The following CDC27 variants were observed in gnomAD, a reference collection of about 807,000 sequenced individuals.
The protein encoded by CDC27 is cell division cycle 27, also known as cell division cycle protein 27 homolog.
In CDC27, 27 loss-of-function variants were observed where a neutral mutation model predicts 109.7. The ratio of observed to expected loss-of-function variants is 0.25; its 90% CI spans 0.18 to 0.34. CDC27 has a LOEUF of 0.34. Among genes scored for constraint, CDC27 ranks in the 10% least tolerant of loss-of-function variants. The pLI, the probability that CDC27 is intolerant of heterozygous loss-of-function variation, is 1.00. For missense variants in CDC27, 579 were observed against 960.2 expected, an observed-to-expected ratio of 0.60 and a Z score of 5.25; for synonymous variants, 266 against 333.9, an observed-to-expected ratio of 0.80 and a Z score of 2.22.
At chr17:47,187,468 T>C (rs1234188827) in intron 1 of CDC27, among the ~76,000 whole-genome samples, 1 of 151,724 alleles carries the variant, frequency 6.6e-6, no homozygotes, top group East Asian at 1.9e-4. Flanking sequence ...GCCTGGCTAA[T>C]TTTTTATATT....
At chr17:47,138,979 A>T in intron 12 of CDC27, 88 bp from the exon 13 acceptor site, 1 of 833,928 alleles carries the variant, frequency 1.2e-6, no homozygotes. Flanking sequence ...TCTTCACAGG[A>T]TCTAAATGCT....
Position 47,158,225 on chromosome 17 carries a change from A to G in CDC27, c.456T>C (p.Phe152=). 6.4e-7 allele frequency: 1 copy of G among 1,565,176 alleles called. No homozygotes were observed. ...ACCTACCTATTTCACATAATGATTC[A>G]AAGGGAGACCAGAGGAAAGGATTTA... ...LSLNPFLWSP[F]ESLCEIGEKP... Residue 152 remains phenylalanine (F), a synonymous_variant, in exon 5 of 19, where the codon TTT becomes TTC. Transcript: ENST00000066544.
chr17:47,129,566 T>G (rs771240299), intron 15 of CDC27, 45 bp from the exon 16 acceptor site: 1 of 1,422,608 alleles, frequency 7.0e-7, no homozygotes, highest in Non-Finnish European at 9.7e-7. Flanking sequence ...TTGATATTTA[T>G]GAAGAAAGGT....
chr17:47,169,926 T>C lies in CDC27; in HGVS notation c.368A>G (p.His123Arg). 2 of 1,592,296 alleles carry C rather than the reference T, an allele frequency of 1.3e-6. No individual in the cohort carries two copies. Among genetic ancestry groups the C allele is most frequent in the Non-Finnish European group, 1.7e-6 (2 of 1,172,892 alleles). ...SACFTLSLLGHVYCKTDRLAK... is the reference protein window; with the variant it reads ...SACFTLSLLGRVYCKTDRLAK... ...AATCATTCTTACTTACCAATATACA[T>C]GTCCCAACAATGAAAGAGTAAAGCA... The change falls in exon 4 of 19, where the codon CAT becomes CGT. Residue 123 changes from histidine (H) to arginine (R), a missense_variant. This residue lies in a region of CDC27 where 52 missense variants were observed against 63.4 expected (regional missense o/e 0.82). Coordinates refer to ENST00000066544, the MANE Select transcript of CDC27 (RefSeq NM_001256.6).
intron 2 of CDC27, among the ~76,000 whole-genome samples, chr17:47,180,343 C>G (rs570899284): frequency 6.6e-6 from 1 of 152,270 alleles, no homozygotes; most frequent in Non-Finnish European, 1.5e-5. Context: ...ATCTTCCTCA[C>G]TTTTCTCACT....
chr17:47,144,924 A>G (rs1568399274), intron 9 of CDC27, among the ~76,000 whole-genome samples: 1 of 149,646 alleles, frequency 6.7e-6, no homozygotes, highest in Non-Finnish European at 1.5e-5. Context: ...CTGATAAACT[A>G]GGAGTTTGAT....
At chr17:47,131,538 G>A (rs1336028780) in intron 15 of CDC27, among the ~76,000 whole-genome samples, 1 of 152,048 alleles carries the variant, frequency 6.6e-6, no homozygotes, top group African/African-American at 2.4e-5. Context: ...CTGAGGGGAG[G>A]GAGAAGGGGA....
chr17:47,143,959 G>T lies in CDC27; in HGVS notation c.1094C>A (p.Pro365His). 1 of 1,468,768 alleles carries T rather than the reference G, an allele frequency of 6.8e-7. No homozygotes were observed. 91.0% of individuals were successfully genotyped at this position (1,468,768 alleles called of 1,614,324 possible). The change falls in exon 10 of 19, where the codon CCC becomes CAC. Residue 365 changes from proline to histidine, a missense_variant. Pro to His is a moderately conservative substitution (Grantham distance 77, BLOSUM62 -2). This residue lies in a region of CDC27 where 51 missense variants were observed against 43.8 expected (regional missense o/e 1.16). Transcript: ENST00000066544. ...TGCGTTTGGGGGAGATGTAATAGTG[G>T]GGCTCAATACCTGAGGTGTTGTACT... Reference protein sequence around the residue: ...QTSTTPQVLSPTITSPPNALP... With the variant: ...QTSTTPQVLSHTITSPPNALP...
At chr17:47,151,263 T>A (rs933027123) in intron 9 of CDC27, among the ~76,000 whole-genome samples, 8 of 152,156 alleles carry the variant, frequency 5.3e-5, no homozygotes, top group African/African-American at 1.4e-4. Context: ...GTCAAGGAGG[T>A]ATATGCACAC....
chr17:47,157,300 T>G lies in CDC27; in HGVS notation c.560A>C (p.Gln187Pro). ...GTGAGATAAACTATGATTAGGTACT[T>G]GTGTTGTGCAAGAGTTGGGCAGACA... ...SNCLPNSCTT[Q>P]VPNHSLSHRQ... is the part of the protein sequence containing the mutation. The change falls in exon 6 of 19, where the codon CAA (glutamine) becomes CCA (proline). Residue 187 changes from glutamine (Q) to proline (P), a missense_variant. By Grantham distance (76) the Gln-to-Pro change is moderately conservative. Transcript: ENST00000066544. The G allele has an allele frequency of 6.2e-7, 1 of 1,612,986 alleles. No homozygotes were observed. The highest frequency in any genetic ancestry group is 8.5e-7 in the Non-Finnish European group (1 of 1,179,226).
chr17:47,149,579 C>G (rs1049134627), intron 9 of CDC27, among the ~76,000 whole-genome samples: 29 of 150,410 alleles, frequency 1.9e-4, no homozygotes, highest in Non-Finnish European at 4.0e-4. Context: ...GATATCAGAT[C>G]GCAATCTGGA....
intron 15 of CDC27, among the ~76,000 whole-genome samples, 161 bp from the exon 16 acceptor site, chr17:47,129,682 C>T (rs2062259459): frequency 6.6e-6 from 1 of 152,098 alleles, no homozygotes; most frequent in African/African-American, 2.4e-5. Flanking sequence ...AATTAATTAC[C>T]AAATGATTAA....
rs1247759286 is a variant in CDC27, at chr17:47,120,290, A to T, written c.*645T>A. On this transcript the variant is annotated 3_prime_UTR_variant, in exon 19 of 19. Transcript: ENST00000066544. ...GATGAATAAATTAAAATTCTTGGTTAGACATTAAAGCATTCTTGCCAAGAA... is the reference window on the plus strand; with the variant it reads ...GATGAATAAATTAAAATTCTTGGTTTGACATTAAAGCATTCTTGCCAAGAA... The T allele has an allele frequency of 6.6e-6, 1 of 152,670 alleles. No homozygotes were observed. The highest frequency in any genetic ancestry group is 6.5e-5 in the Admixed American group (1 of 15,286). 9.5% of individuals were successfully genotyped at this position (152,670 alleles called of 1,614,324 possible).
Position 47,169,954 on chromosome 17 carries a change from C to A in CDC27, c.340G>T (p.Ala114Ser). Residue 114 changes from alanine (A) to serine (S), a missense_variant, in exon 4 of 19, where the codon GCT becomes TCT. This residue lies in a region of CDC27 where 52 missense variants were observed against 63.4 expected (regional missense o/e 0.82). Coordinates refer to ENST00000066544, the MANE Select transcript of CDC27 (RefSeq NM_001256.6). Reference sequence around the variant, plus strand: ...CCCAACAATGAAAGAGTAAAGCAAGCTGAATCACCAAACTCAGTAACAATA... The same window carrying A: ...CCCAACAATGAAAGAGTAAAGCAAGATGAATCACCAAACTCAGTAACAATA... ...DDIVTEFGDS[A>S]CFTLSLLGHV... The A allele has an allele frequency of 6.3e-7, 1 of 1,598,032 alleles. No individual in the cohort carries two copies. The highest frequency in any genetic ancestry group is 8.5e-7 in the Non-Finnish European group (1 of 1,172,808).
chr17:47,135,718 G>A (rs2062563007), intron 14 of CDC27, among the ~76,000 whole-genome samples: 1 of 151,886 alleles, frequency 6.6e-6, no homozygotes, highest in Non-Finnish European at 1.5e-5. Flanking sequence ...CACAATTTTT[G>A]ATATGGTTAA....
At chr17:47,124,178 A>AACACAC (rs59790354) in intron 16 of CDC27, among the ~76,000 whole-genome samples, 75,924 of 144,274 alleles carry the variant, frequency 0.53, 20,385 homozygotes, top group Non-Finnish European at 0.59. Context: ...GTACACTGAA[A>AACACAC]ACACACACAC....
intron 3 of CDC27, among the ~76,000 whole-genome samples, chr17:47,171,398 T>C (rs1836312791): frequency 6.6e-6 from 1 of 152,250 alleles, no homozygotes; most frequent in African/African-American, 2.4e-5. Flanking sequence ...TTAGTCCCTT[T>C]TACCATTATT....
chr17:47,129,408 T>A lies in CDC27; in HGVS notation c.2145A>T (p.Ala715=), dbSNP rs773466519. ...TTTATCTTACCTTATATTTTTCATT[T>A]GCAAATAAAACTGAGGCTCTGTGAA... is the stretch of plus-strand genomic sequence containing the variant. The part of the protein sequence containing the change: ...CKFHRASVLF[A]NEKYKSALQE... Residue 715 remains alanine (A), a synonymous_variant, in exon 16 of 19, where the codon GCA becomes GCT. Coordinates refer to ENST00000066544, the MANE Select transcript of CDC27 (RefSeq NM_001256.6). 28 of 1,611,670 alleles carry A rather than the reference T, an allele frequency of 1.7e-5. 1 individual carries two copies. The South Asian group carries it at 3.1e-4, about 18-fold the overall frequency.
rs186921791 is a variant in CDC27 at position 47,120,794 on chromosome 17, T to C, written c.*141A>G. On this transcript the variant is annotated 3_prime_UTR_variant, in exon 19 of 19. Coordinates refer to ENST00000066544, the MANE Select transcript of CDC27 (RefSeq NM_001256.6). ...CCTTTCATTCTGTATACAGTCAGGG[T>C]CCAATGAAAGTGGCACACTCATGGT... 2 of 626,516 alleles carry C rather than the reference T, an allele frequency of 3.2e-6. No individual in the cohort carries two copies. Among genetic ancestry groups the C allele is most frequent in the African/African-American group, 3.7e-5 (2 of 54,648 alleles). 38.8% of individuals were successfully genotyped at this position (626,516 alleles called of 1,614,324 possible).
Sources: allele counts gnomAD v4.1 joint callset (sites outside exome capture counted in the v4.1 genomes callset), GRCh38; gene constraint gnomAD v4.1.1; regional missense constraint gnomAD v4.1.1; transcripts MANE v1.5; gene names NCBI Gene and HGNC (gene_info 2026-07-23, HGNC 2026-07-21).